The following TSHR variants were observed in gnomAD, a reference collection of about 807,000 sequenced individuals.
TSHR encodes the protein thyroid stimulating hormone receptor, also known as thyrotropin receptor.
Under a neutral mutation model 64.1 loss-of-function variants are expected in TSHR, and 51 were observed. The observed-to-expected ratio is 0.80, with a 90% CI of 0.64 to 1.01. TSHR has a LOEUF of 1.01. Ranked by LOEUF, TSHR falls within the 50% of genes least tolerant of loss-of-function variation. The probability of loss-of-function intolerance (pLI) is 0.00; values close to 1 mark genes in which losing one functional copy is unlikely to be tolerated. For synonymous variants in TSHR, 361 were observed against 361.9 expected (o/e 1.00, Z 0.03); for missense variants, 877 against 942.8 (o/e 0.93, Z 0.91).
intron 8 of TSHR, among the ~76,000 whole-genome samples, chr14:81,121,617 T>C (rs992805713): frequency 3.3e-5 from 5 of 152,208 alleles, no homozygotes; most frequent in African/African-American, 1.2e-4. Context: ...AGCTGAAGAA[T>C]GAAGACTCCA....
intron 7 of TSHR, chr14:81,104,793 C>G: frequency 1.0e-6 from 1 of 985,398 alleles, no homozygotes; most frequent in East Asian, 1.1e-4. Context: ...CTTCTTAACT[C>G]CATGTATGGA....
chr14:81,079,224 A>C lies in TSHR; in HGVS notation c.318-8730A>C, dbSNP rs150632828. Among the ~76,000 whole-genome samples the C allele has an allele frequency of 1.4e-4, 22 of 152,322 alleles. No individual in the cohort carries two copies. The East Asian group carries it at 4.0e-3, about 28-fold the overall frequency. On this transcript the variant is annotated intron_variant, in intron 3 of 9. Transcript: ENST00000298171. The stretch of plus-strand genomic sequence containing the variant: ...TCTGCAAAATGATGAAACACTGGAC[A>C]CTTCCATTTTCTATTGTACTTTCTC...
chr14:81,049,206 G>C (rs1427862032), intron 1 of TSHR, among the ~76,000 whole-genome samples: 2 of 152,098 alleles, frequency 1.3e-5, no homozygotes, highest in Non-Finnish European at 2.9e-5. Context: ...TCAGCTTCAG[G>C]CAGGCAGAAG....
chr14:81,031,561 G>A (rs1007880213), intron 1 of TSHR, among the ~76,000 whole-genome samples: 3 of 152,098 alleles, frequency 2.0e-5, no homozygotes, highest in African/African-American at 7.2e-5. Context: ...ACACCATTAG[G>A]ATGTCTTGTT....
At chr14:81,024,155 C>G (rs1883920114) in intron 1 of TSHR, among the ~76,000 whole-genome samples, 1 of 152,098 alleles carries the variant, frequency 6.6e-6, no homozygotes, top group Non-Finnish European at 1.5e-5. Flanking sequence ...AATTCTTCAG[C>G]TTTAGTTCCT....
At chr14:81,044,433 C>T (rs376750295) in intron 1 of TSHR, among the ~76,000 whole-genome samples, 4 of 152,162 alleles carry the variant, frequency 2.6e-5, no homozygotes, top group East Asian at 1.9e-4. Flanking sequence ...CCAAGGTGGG[C>T]GGATCACGAG....
intron 1 of TSHR, among the ~76,000 whole-genome samples, chr14:81,056,723 A>C (rs961978058): frequency 1.3e-5 from 2 of 152,174 alleles, no homozygotes; most frequent in African/African-American, 2.4e-5. Flanking sequence ...ATCACACACA[A>C]AAAAAGCCCA....
chr14:81,068,229 T>C (rs778873773), intron 2 of TSHR, 25 bp from the exon 3 acceptor site: 1 of 1,609,502 alleles, frequency 6.2e-7, no homozygotes, highest in African/African-American at 1.3e-5. Context: ...CTTTCTACTT[T>C]GTCTTATATT....
Position 80,975,827 on chromosome 14 carries a change from A to C in TSHR, c.170+19977A>C, listed in dbSNP as rs539915998. ...TTACTTCAGGTCTTCTGAGCAGCAC[A>C]GGAGGCAGGGCTGCTGTTGCATAAT... On this transcript the variant is annotated intron_variant, in intron 1 of 9. Coordinates refer to ENST00000298171, the MANE Select transcript of TSHR (RefSeq NM_000369.5). Among the ~76,000 whole-genome samples, 4 of 152,266 alleles carry C rather than the reference A, an allele frequency of 2.6e-5. No individual in the cohort carries two copies. In the South Asian group the frequency reaches 8.3e-4, roughly 32 times the overall value.
chr14:81,050,755 T>C (rs1885389263), intron 1 of TSHR: 1 of 152,210 alleles, frequency 6.6e-6, no homozygotes, highest in Non-Finnish European at 1.5e-5. Context: ...GATATATGCA[T>C]ACATTGTGGG....
chr14:81,104,655 A>G (rs1889782929), intron 7 of TSHR: 2 of 985,408 alleles, frequency 2.0e-6, no homozygotes, highest in Non-Finnish European at 2.4e-6. Context: ...AAACACACAT[A>G]TAGTACACAT....
At chr14:81,064,561 A>G (rs1470936554) in intron 2 of TSHR, among the ~76,000 whole-genome samples, 3 of 152,212 alleles carry the variant, frequency 2.0e-5, no homozygotes, top group Non-Finnish European at 4.4e-5. Context: ...ATCAGGGAAC[A>G]AACAGACAAA....
Position 81,103,714 on chromosome 14 carries a change from G to A in TSHR, c.615-4661G>A. ...CTCAACAGAAGTTGAACTGTACTTG[G>A]TCACAAGTTAAGTCACACATTCATT... On this transcript the variant is annotated intron_variant, in intron 7 of 9. Transcript: ENST00000298171. This position sits in a 1 kb window ranked among gnomAD's most constrained non-coding sequence, Gnocchi z 4.1. 1.0e-6 allele frequency: 1 copy of A among 985,438 alleles called. No homozygotes were observed. The highest frequency in any genetic ancestry group is 1.2e-6 in the Non-Finnish European group (1 of 829,934). The allele number at this position is 985,438 out of a possible 1,614,324, so 61.0% of individuals were successfully genotyped here. A position where few individuals can be genotyped will look rare whatever the true frequency, so the allele number is the denominator to read the frequency against.
intron 8 of TSHR, among the ~76,000 whole-genome samples, chr14:81,128,672 T>C (rs1162070809): frequency 1.3e-5 from 2 of 152,286 alleles, no homozygotes; most frequent in Non-Finnish European, 2.9e-5. Flanking sequence ...CCACACTGAA[T>C]AGGACACATG....
At chr14:81,022,290 C>T (rs936752581) in intron 1 of TSHR, among the ~76,000 whole-genome samples, 40 of 151,932 alleles carry the variant, frequency 2.6e-4, no homozygotes, top group African/African-American at 9.4e-4. Context: ...ACAAAACAAA[C>T]AACAAAAAAA....
intron 3 of TSHR, chr14:81,068,553 T>C: frequency 1.9e-6 from 1 of 518,544 alleles, no homozygotes; most frequent in Non-Finnish European, 3.5e-6. Context: ...AGTTCTGTTC[T>C]TGAACCACTA....
intron 5 of TSHR, 131 bp downstream of exon 5, chr14:81,091,274 C>A: frequency 1.2e-6 from 1 of 829,464 alleles, no homozygotes; most frequent in Non-Finnish European, 2.0e-6. Context: ...TCAGGTGTGA[C>A]TACACTGGCA....
chr14:81,008,593 T>C (rs1042576033), intron 1 of TSHR, among the ~76,000 whole-genome samples: 2 of 152,218 alleles, frequency 1.3e-5, no homozygotes, highest in Admixed American at 6.5e-5. Context: ...ATTCTACCAA[T>C]ATAAATATGT....
At chr14:81,059,884 G>T (rs141962051) in intron 1 of TSHR, among the ~76,000 whole-genome samples, 70 of 152,214 alleles carry the variant, frequency 4.6e-4, no homozygotes, top group African/African-American at 1.7e-3. Flanking sequence ...TCTTTGTTCA[G>T]AACTGTATGT....
Sources: allele counts gnomAD v4.1 joint callset (sites outside exome capture counted in the v4.1 genomes callset), GRCh38; gene constraint gnomAD v4.1.1; non-coding constraint Gnocchi (gnomAD v3.1); transcripts MANE v1.5; gene names NCBI Gene and HGNC (gene_info 2026-07-23, HGNC 2026-07-21).